Variants in KAZN observed in about 807,000 individuals in gnomAD.
The protein encoded by KAZN is kazrin.
A neutral mutation model predicts 87.4 loss-of-function variants in KAZN; 40 were observed. The ratio of observed to expected loss-of-function variants is 0.46; its 90% CI spans 0.36 to 0.60. The LOEUF is 0.60. Among genes scored for constraint, KAZN ranks in the 20% least tolerant of loss-of-function variants. The pLI, the probability that KAZN is intolerant of heterozygous loss-of-function variation, is 0.00. For missense variants in KAZN, 898 were observed against 1,073.9 expected (o/e 0.84, Z 2.29); for synonymous variants, 466 against 458.3 (o/e 1.02, Z -0.22).
In KAZN at chr1:14,996,173, T is replaced by C. The variant is rs182687941; in HGVS notation, c.418+35298T>C. Among the ~76,000 whole-genome samples, 1,352 of 152,258 alleles carry C rather than the reference T, an allele frequency of 8.9e-3. 14 individuals are homozygous for C. Among genetic ancestry groups the C allele is most frequent in the African/African-American group, 0.03 (1,242 of 41,550 alleles). ...AGAACTCACTGGGCCTTCTGGGTCTTGGCTCTTCATGCCCCGCCCACTCCA... is the reference window on the plus strand; with the variant it reads ...AGAACTCACTGGGCCTTCTGGGTCTCGGCTCTTCATGCCCCGCCCACTCCA... On this transcript the variant is annotated intron_variant, in intron 2 of 14. Coordinates refer to ENST00000376030, the MANE Select transcript of KAZN (RefSeq NM_201628.3). This position sits in a 1 kb window ranked among gnomAD's most constrained non-coding sequence, Gnocchi z 5.9.
At chr1:14,725,460 C>CT (rs34698081) in intron 1 of KAZN, among the ~76,000 whole-genome samples, 1,789 of 146,166 alleles carry the variant, frequency 0.012, 38 homozygotes, top group South Asian at 0.085. Flanking sequence ...GTGGAGCTGT[C>CT]TTTTTTTTTT....
intron 2 of KAZN, among the ~76,000 whole-genome samples, chr1:14,252,863 A>C (rs998603379): frequency 6.6e-6 from 1 of 152,150 alleles, no homozygotes; most frequent in East Asian, 1.9e-4. Flanking sequence ...CCATGTAGAC[A>C]TCAGGGTTCC....
intron 2 of KAZN, among the ~76,000 whole-genome samples, chr1:14,306,132 AATGTG>A (rs1654907953): frequency 6.6e-6 from 1 of 152,140 alleles, no homozygotes; most frequent in African/African-American, 2.4e-5. Context: ...TCGTTAATGG[AATGTG>A]TTGTCGCATT....
chr1:14,957,512 T>A (rs1663269259), intron 1 of KAZN, among the ~76,000 whole-genome samples: 1 of 152,232 alleles, frequency 6.6e-6, no homozygotes, highest in Non-Finnish European at 1.5e-5. Context: ...TCGGATCCTG[T>A]GTCCACCAAG....
chr1:14,830,331 A>T (rs921959829), intron 1 of KAZN, among the ~76,000 whole-genome samples: 1 of 151,956 alleles, frequency 6.6e-6, no homozygotes, highest in Non-Finnish European at 1.5e-5. Flanking sequence ...TCCTAGGAGA[A>T]CTCTCCTTGG....
rs144144430 is a variant in KAZN at position 14,127,588 on chromosome 1, G to C, written c.92-52847G>C. ...AGCTGTATGTGCTCAGAAGTGCTCC[G>C]GCGTCCTCCAACCTTCCCCCGTCAT... On this transcript the variant is annotated intron_variant, in intron 1 of 16. Coordinates refer to the KAZN transcript ENST00000636203. Among the ~76,000 whole-genome samples, 112 of 152,156 alleles carry C rather than the reference G, an allele frequency of 7.4e-4. 1 individual carries two copies. The highest frequency in any genetic ancestry group is 2.6e-3 in the African/African-American group (107 of 41,520).
chr1:14,682,956 CA>C (rs1640760714), intron 1 of KAZN, among the ~76,000 whole-genome samples: 1 of 152,194 alleles, frequency 6.6e-6, no homozygotes, highest in African/African-American at 2.4e-5. Context: ...TTTTCTTTTT[CA>C]AGAGCTTCAG....
chr1:14,223,711 A>T (rs1462624093), intron 2 of KAZN, among the ~76,000 whole-genome samples: 1 of 152,238 alleles, frequency 6.6e-6, no homozygotes, highest in African/African-American at 2.4e-5. Flanking sequence ...TTCAGATGAT[A>T]CAAGACTCTC....
At chr1:14,102,932 G>A (rs555748856) in intron 1 of KAZN, among the ~76,000 whole-genome samples, 18 of 145,562 alleles carry the variant, frequency 1.2e-4, no homozygotes, top group South Asian at 6.5e-4. Flanking sequence ...TTTTTTTAAC[G>A]GAGTCTTGCT....
At chr1:14,721,866 G>C (rs1643126766) in intron 1 of KAZN, among the ~76,000 whole-genome samples, 1 of 152,118 alleles carries the variant, frequency 6.6e-6, no homozygotes, top group Non-Finnish European at 1.5e-5. Context: ...AAAATGGTAA[G>C]GAATAGACCG....
chr1:14,173,615 A>G (rs1646002806), intron 1 of KAZN, among the ~76,000 whole-genome samples: 1 of 152,134 alleles, frequency 6.6e-6, no homozygotes, highest in Admixed American at 6.5e-5. Flanking sequence ...GGAGTGGTAA[A>G]TTGTTATAAA....
chr1:14,370,778 G>A (rs1023656321), intron 2 of KAZN, among the ~76,000 whole-genome samples: 9 of 152,182 alleles, frequency 5.9e-5, no homozygotes, highest in South Asian at 2.1e-4. Context: ...TGGACCTCCC[G>A]GGCTTAGGTG....
At chr1:13,921,879 C>T (rs1254880465) in intron 1 of KAZN, among the ~76,000 whole-genome samples, 1 of 152,160 alleles carries the variant, frequency 6.6e-6, no homozygotes, top group Admixed American at 6.5e-5. Flanking sequence ...GATCTGCCCG[C>T]CTCAGCCTCC....
chr1:13,910,364 TG>T (rs1024124856), intron 1 of KAZN, among the ~76,000 whole-genome samples: 13 of 151,882 alleles, frequency 8.6e-5, no homozygotes, highest in Non-Finnish European at 1.5e-5. Context: ...AAAAATTAGC[TG>T]GGTGTGGTGG....
At chr1:14,780,469 C>A in intron 1 of KAZN, among the ~76,000 whole-genome samples, 1 of 152,216 alleles carries the variant, frequency 6.6e-6, no homozygotes, top group East Asian at 1.9e-4. Flanking sequence ...CATGTCCTCC[C>A]ACTCACTGCC....
intron 2 of KAZN, among the ~76,000 whole-genome samples, chr1:14,585,146 C>G (rs901172471): frequency 6.6e-6 from 1 of 152,156 alleles, no homozygotes; most frequent in Admixed American, 6.5e-5. Flanking sequence ...CCTGCCAACC[C>G]CTTGACCTTG....
At chr1:14,867,001 A>C (rs1288576991) in intron 1 of KAZN, among the ~76,000 whole-genome samples, 1 of 152,246 alleles carries the variant, frequency 6.6e-6, no homozygotes. Flanking sequence ...GACAGAAAAG[A>C]AGCAGGATGC....
chr1:15,116,844 T>C lies in KAZN; in HGVS notation c.*2209T>C, dbSNP rs1641859679. ...ATGGTTCGATCTTGCTGGAGACAAG[T>C]GGACAATTGGGGGTCACTGGCAGAG... On this transcript the variant is annotated 3_prime_UTR_variant, in exon 15 of 15. Transcript: ENST00000376030. The C allele has an allele frequency of 1.3e-5, 2 of 152,338 alleles. No individual in the cohort carries two copies. Among genetic ancestry groups the C allele is most frequent in the South Asian group, 4.1e-4 (2 of 4,832 alleles). The allele number at this position is 152,338 out of a possible 1,614,324, so 9.4% of individuals were successfully genotyped here.
intron 13 of KAZN, among the ~76,000 whole-genome samples, chr1:15,109,093 G>T (rs1641397286): frequency 6.6e-6 from 1 of 152,102 alleles, no homozygotes; most frequent in Non-Finnish European, 1.5e-5. Context: ...AGCTTGTTAA[G>T]ACCAGGGCTG....
Sources: gnomAD v4.1 joint callset for allele counts (sites outside exome capture counted in the v4.1 genomes callset) on GRCh38, gnomAD v4.1.1 for gene constraint, Gnocchi (gnomAD v3.1) non-coding constraint, MANE v1.5 for transcripts, NCBI Gene and HGNC (gene_info 2026-07-23, HGNC 2026-07-21) for gene names.